NSUN6: variants seen among roughly 807,000 people sequenced by gnomAD.
The protein encoded by NSUN6 is NOP2/Sun RNA methyltransferase 6, also known as tRNA (cytosine(72)-C(5))-methyltransferase NSUN6.
Under a neutral mutation model 58.0 loss-of-function variants are expected in NSUN6, and 64 were observed. That is an observed-to-expected ratio of 1.10 (90% confidence interval 0.90 to 1.36). The LOEUF is 1.36. NSUN6 is among the 40% of genes most tolerant of loss of function. NSUN6 has a pLI of 0.00. For synonymous variants in NSUN6, 231 were observed against 193.9 expected (o/e 1.19, Z -1.59); for missense variants, 701 against 550.1 (o/e 1.27, Z -2.74).
At chr10:18,550,807 C>T (rs1589814131) in intron 9 of NSUN6, among the ~76,000 whole-genome samples, 2 of 151,188 alleles carry the variant, frequency 1.3e-5, no homozygotes, top group South Asian at 2.1e-4. Context: ...TCACTGCAAC[C>T]TTCGCCTCCC....
At chr10:18,596,396 A>G (rs2057588302) in intron 6 of NSUN6, 69 bp from the exon 7 acceptor site, 2 of 1,085,014 alleles carry the variant, frequency 1.8e-6, no homozygotes, top group Non-Finnish European at 2.8e-6. Flanking sequence ...ACCAGAGAAT[A>G]TAAAGAACCC....
At chr10:18,583,735 A>G (rs1225650283) in intron 8 of NSUN6, among the ~76,000 whole-genome samples, 1 of 152,234 alleles carries the variant, frequency 6.6e-6, no homozygotes, top group Non-Finnish European at 1.5e-5. Flanking sequence ...ATTCTTAAAA[A>G]TTCCACTAGA....
chr10:18,627,534 G>T (rs764880324), intron 3 of NSUN6, among the ~76,000 whole-genome samples: 9 of 152,160 alleles, frequency 5.9e-5, no homozygotes, highest in Non-Finnish European at 1.2e-4. Context: ...CAGACAGTGG[G>T]CGCAGGTCAG....
At chr10:18,632,691 C>CA (rs2059076118) in intron 3 of NSUN6, among the ~76,000 whole-genome samples, 1 of 152,172 alleles carries the variant, frequency 6.6e-6, no homozygotes, top group African/African-American at 2.4e-5. Flanking sequence ...AAATGCAAAT[C>CA]AAAACCACAA....
intron 9 of NSUN6, among the ~76,000 whole-genome samples, chr10:18,549,649 A>G (rs2054487113): frequency 6.6e-6 from 1 of 152,186 alleles, no homozygotes; most frequent in Non-Finnish European, 1.5e-5. Flanking sequence ...CAGGAGATCT[A>G]TGAGTATTTG....
At chr10:18,635,548 G>A (rs1234738030) in intron 3 of NSUN6, among the ~76,000 whole-genome samples, 2 of 152,120 alleles carry the variant, frequency 1.3e-5, no homozygotes, top group Non-Finnish European at 2.9e-5. Flanking sequence ...AAAGCTAAGA[G>A]GAAATAGGCT....
intron 3 of NSUN6, among the ~76,000 whole-genome samples, 180 bp from the exon 4 acceptor site, chr10:18,616,473 G>C (rs1365959872): frequency 6.6e-6 from 1 of 152,130 alleles, no homozygotes; most frequent in Non-Finnish European, 1.5e-5. Context: ...ACACGAAGAT[G>C]GGCACTTGAG....
intron 3 of NSUN6, among the ~76,000 whole-genome samples, chr10:18,624,555 G>A (rs764052963): frequency 1.4e-5 from 2 of 146,776 alleles, no homozygotes; most frequent in African/African-American, 5.1e-5. Flanking sequence ...GGAGGCTGAG[G>A]CAGGAGAATG....
At chr10:18,568,314 C>T (rs996834291) in intron 8 of NSUN6, among the ~76,000 whole-genome samples, 110 of 151,422 alleles carry the variant, frequency 7.3e-4, no homozygotes, top group Non-Finnish European at 9.2e-4. Context: ...CCATTCCATT[C>T]CGCATTCCAT....
At chr10:18,602,889 G>GACT (rs2057901946) in intron 6 of NSUN6, among the ~76,000 whole-genome samples, 1 of 152,158 alleles carries the variant, frequency 6.6e-6, no homozygotes, top group African/African-American at 2.4e-5. Context: ...AGCTACAAGT[G>GACT]GTAAGTCAAA....
intron 1 of NSUN6, among the ~76,000 whole-genome samples, chr10:18,649,277 C>T (rs746336299): frequency 8.5e-5 from 13 of 152,072 alleles, no homozygotes; most frequent in East Asian, 1.9e-4. Context: ...TGTAATTAAC[C>T]GAAGCTTTTC....
rs1208894292 is a variant in NSUN6, at chr10:18,584,911, A to G, written c.922+1038T>C. ...AGTACAGAAAGAAAAAAAAAAACCCATCAACCAAGAATTTAATACTCAGTA... is the reference window on the plus strand; with the variant it reads ...AGTACAGAAAGAAAAAAAAAAACCCGTCAACCAAGAATTTAATACTCAGTA... On this transcript the variant is annotated intron_variant, in intron 8 of 10. Transcript: ENST00000377304. Among the ~76,000 whole-genome samples the G allele has an allele frequency of 2.0e-5, 3 of 151,892 alleles. No individual in the cohort carries two copies. In the East Asian group the frequency reaches 5.8e-4, roughly 29 times the overall value.
At chr10:18,635,009 C>A (rs1435919175) in intron 3 of NSUN6, among the ~76,000 whole-genome samples, 1 of 152,134 alleles carries the variant, frequency 6.6e-6, no homozygotes, top group Non-Finnish European at 1.5e-5. Context: ...CTCACAATTC[C>A]TAAACTCTGT....
At chr10:18,572,505 A>C (rs1460777950) in intron 8 of NSUN6, among the ~76,000 whole-genome samples, 3 of 142,224 alleles carry the variant, frequency 2.1e-5, no homozygotes, top group Non-Finnish European at 4.6e-5. Context: ...TCCCCATTCC[A>C]TTCTGCATTC....
chr10:18,623,166 T>A (rs1471518139), intron 3 of NSUN6, among the ~76,000 whole-genome samples: 4 of 152,342 alleles, frequency 2.6e-5, no homozygotes, highest in Admixed American at 2.0e-4. Context: ...AATTTTATTT[T>A]ACATCTCATT....
intron 2 of NSUN6, among the ~76,000 whole-genome samples, chr10:18,647,152 G>A (rs1475560589): frequency 1.3e-5 from 2 of 152,150 alleles, no homozygotes; most frequent in African/African-American, 2.4e-5. Context: ...TTCTTAAATA[G>A]AGTATGACAA....
intron 8 of NSUN6, among the ~76,000 whole-genome samples, chr10:18,574,772 C>G (rs1011394800): frequency 4.6e-5 from 7 of 152,162 alleles, no homozygotes; most frequent in African/African-American, 1.7e-4. Flanking sequence ...TGAATGAGGT[C>G]TCATTAATAT....
At chr10:18,611,413 T>C (rs1203670506) in intron 5 of NSUN6, among the ~76,000 whole-genome samples, 2 of 149,658 alleles carry the variant, frequency 1.3e-5, no homozygotes, top group Non-Finnish European at 3.0e-5. Flanking sequence ...GTGTACTCTA[T>C]CTAATGTTGG....
intron 7 of NSUN6, 104 bp downstream of exon 7, chr10:18,596,104 G>A (rs1024774008): frequency 2.0e-5 from 18 of 922,424 alleles, no homozygotes; most frequent in Admixed American, 6.7e-5. Flanking sequence ...CATTTTGGCT[G>A]AATCTGAACT....
Sources: allele counts gnomAD v4.1 joint callset (sites outside exome capture counted in the v4.1 genomes callset), GRCh38; gene constraint gnomAD v4.1.1; transcripts MANE v1.5; gene names NCBI Gene and HGNC (gene_info 2026-07-23, HGNC 2026-07-21).